GRIN2A: variants seen among roughly 807,000 people sequenced by gnomAD.
The protein encoded by GRIN2A is glutamate receptor ionotropic, NMDA 2A.
GRIN2A carries 22 observed loss-of-function variants against 113.4 expected under a neutral mutation model. That is an observed-to-expected ratio of 0.19 (90% CI 0.14 to 0.28). GRIN2A has a LOEUF of 0.28. Among genes scored for constraint, GRIN2A ranks in the 10% least tolerant of loss-of-function variants. The probability of loss-of-function intolerance (pLI) is 1.00; values close to 1 mark genes in which losing one functional copy is unlikely to be tolerated. For synonymous variants in GRIN2A, 827 were observed against 738.4 expected (o/e 1.12, Z -1.94); for missense variants, 1,502 against 1,887.0 (o/e 0.80, Z 3.78).
intron 2 of GRIN2A, among the ~76,000 whole-genome samples, chr16:10,172,677 C>G (rs1244048132): frequency 6.6e-6 from 1 of 152,174 alleles, no homozygotes; most frequent in African/African-American, 2.4e-5. Context: ...GGAATCGGGG[C>G]CAGTATGGCC....
chr16:9,764,668 T>C lies in GRIN2A; in HGVS notation c.2876A>G (p.Asn959Ser). ...CACAAATGTTTGGAGTTCGTTCATG[T>C]TGTCTCCAAAAATGCTCTCTTTCCC... Reference protein sequence around the residue: ...FQGKESIFGDNMNELQTFVAN... With the variant: ...FQGKESIFGDSMNELQTFVAN... Residue 959 changes from asparagine to serine, a missense_variant, in exon 13 of 13, where the codon AAC (asparagine) becomes AGC (serine). Asn to Ser is a conservative substitution (Grantham distance 46). Transcript: ENST00000330684. 6.2e-7 allele frequency: 1 copy of C among 1,614,176 alleles called. No individual in the cohort carries two copies. Among genetic ancestry groups the C allele is most frequent in the Non-Finnish European group, 8.5e-7 (1 of 1,179,986 alleles).
intron 2 of GRIN2A, among the ~76,000 whole-genome samples, chr16:10,135,707 T>G (rs934053589): frequency 1.3e-5 from 2 of 152,172 alleles, no homozygotes; most frequent in African/African-American, 4.8e-5. Flanking sequence ...AGGCTGGAAC[T>G]TCTGGGCATG....
chr16:10,181,045 CTCAG>C (rs1047845087), intron 1 of GRIN2A, among the ~76,000 whole-genome samples: 5 of 152,192 alleles, frequency 3.3e-5, no homozygotes, highest in Non-Finnish European at 7.3e-5. Flanking sequence ...CCCGGCTCCT[CTCAG>C]TCAGAGTACA....
chr16:10,150,619 C>T lies in GRIN2A; in HGVS notation c.414+29379G>A, dbSNP rs567942403. Among the ~76,000 whole-genome samples the T allele has an allele frequency of 2.6e-5, 4 of 152,120 alleles. No homozygotes were observed. In the East Asian group the frequency reaches 7.8e-4, roughly 30 times the overall value. ...TATTCCCCAGACATGGCAAGCCCACCCTCCCCTACCCACCCAGCGTCTAGA... is the reference window on the plus strand; with the variant it reads ...TATTCCCCAGACATGGCAAGCCCACTCTCCCCTACCCACCCAGCGTCTAGA... On this transcript the variant is annotated intron_variant, in intron 2 of 12. Transcript: ENST00000330684.
chr16:9,793,103 T>C (rs7186955), intron 11 of GRIN2A, among the ~76,000 whole-genome samples: 56,772 of 152,064 alleles, frequency 0.37, 11,447 homozygotes, highest in African/African-American at 0.54. Flanking sequence ...TTCACTTTAC[T>C]CATTGGAGCC....
intron 2 of GRIN2A, chr16:10,111,725 T>G: frequency 6.5e-7 from 1 of 1,532,696 alleles, no homozygotes; most frequent in South Asian, 1.1e-5. Flanking sequence ...CAGGGCTTCA[T>G]CACGGACCCC....
intron 2 of GRIN2A, among the ~76,000 whole-genome samples, chr16:10,056,729 C>T (rs2047462741): frequency 6.6e-6 from 1 of 152,092 alleles, no homozygotes; most frequent in Non-Finnish European, 1.5e-5. Flanking sequence ...TACCTACAAG[C>T]CAAAGAACGC....
chr16:10,120,352 C>T (rs941418340), intron 2 of GRIN2A, among the ~76,000 whole-genome samples: 1 of 152,192 alleles, frequency 6.6e-6, no homozygotes, highest in African/African-American at 2.4e-5. Context: ...AAGAATTCTC[C>T]TGCTCAAAAT....
chr16:10,172,611 C>T (rs1410556464), intron 2 of GRIN2A, among the ~76,000 whole-genome samples: 4 of 152,126 alleles, frequency 2.6e-5, no homozygotes, highest in African/African-American at 4.8e-5. Context: ...GGGCAGGGAT[C>T]GTGGCAGGTG....
chr16:9,894,662 C>A lies in GRIN2A; in HGVS notation c.1008-3562G>T, dbSNP rs140806727. 4.3e-4 allele frequency among the ~76,000 whole-genome samples: 65 copies of A among 152,222 alleles called. 1 individual carries two copies. The East Asian group carries it at 0.012, about 29-fold the overall frequency. ...CAGGACTTCAAAGTAACTAATTGAGCCTAAGTTAAGCTGTTTTTATTTTTT... is the reference window on the plus strand; with the variant it reads ...CAGGACTTCAAAGTAACTAATTGAGACTAAGTTAAGCTGTTTTTATTTTTT... On this transcript the variant is annotated intron_variant, in intron 3 of 12. Coordinates refer to ENST00000330684, the MANE Select transcript of GRIN2A (RefSeq NM_001134407.3).
At chr16:10,032,174 T>C (rs536542258) in intron 2 of GRIN2A, among the ~76,000 whole-genome samples, 10 of 152,370 alleles carry the variant, frequency 6.6e-5, no homozygotes, top group Non-Finnish European at 1.5e-4. Flanking sequence ...TAGCATATAG[T>C]AGGCTTTCAA....
chr16:10,132,749 T>A (rs2049093433), intron 2 of GRIN2A, among the ~76,000 whole-genome samples: 1 of 152,160 alleles, frequency 6.6e-6, no homozygotes, highest in African/African-American at 2.4e-5. Context: ...AAATAATACG[T>A]CTAAGCAGTG....
At chr16:9,948,408 T>TGGACCA (rs1407814252) in intron 2 of GRIN2A, among the ~76,000 whole-genome samples, 2 of 152,174 alleles carry the variant, frequency 1.3e-5, no homozygotes, top group Non-Finnish European at 2.9e-5. Flanking sequence ...TGCTAGTCCA[T>TGGACCA]GGACCAAGCT....
chr16:9,929,272 AT>A (rs141972244), intron 3 of GRIN2A, among the ~76,000 whole-genome samples: 13,387 of 152,160 alleles, frequency 0.088, 652 homozygotes, highest in Non-Finnish European at 0.1. Context: ...GCCTACTGAG[AT>A]TTCCACTTGG....
rs1049416104 is a variant in GRIN2A, at chr16:10,081,219, G to A, written c.414+98779C>T. On this transcript the variant is annotated intron_variant, in intron 2 of 12. Transcript: ENST00000330684. ...ACGCCTTCCCACACTTATTCTAAGG[G>A]ACAGCCAGCTAGGATGGAGTGGGAG... Among the ~76,000 whole-genome samples the A allele has an allele frequency of 3.3e-5, 5 of 152,310 alleles. No homozygotes were observed. The East Asian group carries it at 9.6e-4, about 29-fold the overall frequency.
Position 9,756,380 on chromosome 16 carries a change from T to G in GRIN2A, c.*6769A>C. 4.3e-6 allele frequency: 1 copy of G among 230,556 alleles called. No homozygotes were observed. Among genetic ancestry groups the G allele is most frequent in the Non-Finnish European group, 8.6e-6 (1 of 116,374 alleles). The allele number at this position is 230,556 out of a possible 1,614,324, so 14.3% of individuals were successfully genotyped here. ...TGAACAGAGGTGAGATCCCCAGAAG[T>G]TCTCCATACACACAGATCAGGCAAT... On this transcript the variant is annotated 3_prime_UTR_variant, in exon 13 of 13. Transcript: ENST00000330684.
At chr16:10,130,922 C>CCCACACATACTCAG (rs2049048548) in intron 2 of GRIN2A, among the ~76,000 whole-genome samples, 1 of 152,166 alleles carries the variant, frequency 6.6e-6, no homozygotes. Flanking sequence ...TTCAGCTATC[C>CCCACACATACTCAG]TGAGAAGTGT....
intron 2 of GRIN2A, among the ~76,000 whole-genome samples, chr16:10,154,946 T>C (rs1013002903): frequency 6.6e-6 from 1 of 152,366 alleles, no homozygotes; most frequent in Admixed American, 6.5e-5. Flanking sequence ...GGGAGTCTTC[T>C]GATCAAATAG....
chr16:10,059,597 T>C (rs1375384014), intron 2 of GRIN2A, among the ~76,000 whole-genome samples: 1 of 151,852 alleles, frequency 6.6e-6, no homozygotes, highest in African/African-American at 2.4e-5. Flanking sequence ...ATAATAACTT[T>C]AGAAAGGAGC....
Sources: gnomAD v4.1 joint callset for allele counts (sites outside exome capture counted in the v4.1 genomes callset) on GRCh38, gnomAD v4.1.1 for gene constraint, MANE v1.5 for transcripts, NCBI Gene and HGNC (gene_info 2026-07-23, HGNC 2026-07-21) for gene names.